The following AJAP1 variants were observed in gnomAD, a reference collection of about 807,000 sequenced individuals.
AJAP1 encodes the protein adherens junctions associated protein 1, also known as adherens junction-associated protein 1.
AJAP1 carries 5 observed loss-of-function variants against 35.0 expected under a neutral mutation model. The ratio of observed to expected loss-of-function variants is 0.14; its 90% CI spans 0.07 to 0.30. AJAP1 has a LOEUF of 0.30. AJAP1 is among the 10% of genes least tolerant of loss of function. AJAP1 has a pLI of 1.00. For missense variants in AJAP1, 586 were observed against 571.0 expected, an observed-to-expected ratio of 1.03 and a Z score of -0.27; for synonymous variants, 284 against 249.3, an observed-to-expected ratio of 1.14 and a Z score of -1.31.
intron 1 of AJAP1, among the ~76,000 whole-genome samples, chr1:4,708,524 C>T (rs1327624788): frequency 1.3e-5 from 2 of 152,246 alleles, no homozygotes; most frequent in African/African-American, 4.8e-5. Flanking sequence ...AAGCCCCAGG[C>T]TGAGCAGGAT....
rs74051977 is a variant in AJAP1, at chr1:4,771,047, C to T, written c.917+1107C>T. 6.5e-3 allele frequency among the ~76,000 whole-genome samples: 993 copies of T among 152,214 alleles called. 14 individuals carry two copies. Among genetic ancestry groups the T allele is most frequent in the African/African-American group, 0.023 (957 of 41,526 alleles). On this transcript the variant is annotated intron_variant, in intron 3 of 5. Transcript: ENST00000378191. Reference sequence around the variant, plus strand: ...GAAGGACAAATCCCACTGGCCATCTCGGTGAAGGGCTTCATCTCCCCAGAG... The same window carrying T: ...GAAGGACAAATCCCACTGGCCATCTTGGTGAAGGGCTTCATCTCCCCAGAG...
intron 5 of AJAP1, among the ~76,000 whole-genome samples, chr1:4,781,049 C>A (rs1642051701): frequency 6.6e-6 from 1 of 152,156 alleles, no homozygotes. Flanking sequence ...CCTCTACCTT[C>A]AAATGAGTAG....
chr1:4,689,328 C>G (rs1639682301), intron 1 of AJAP1, among the ~76,000 whole-genome samples: 1 of 152,210 alleles, frequency 6.6e-6, no homozygotes, highest in Non-Finnish European at 1.5e-5. Flanking sequence ...ACTAAACAAG[C>G]AATTTGTTGC....
chr1:4,655,832 G>A lies in AJAP1; in HGVS notation c.29+378G>A, dbSNP rs563250153. Reference sequence around the variant, plus strand: ...CGAGGCGCCGGCCGCTGGGCGCGGCGGGCGCGGGGGCCGGGGCTGCCGGGG... The same window carrying A: ...CGAGGCGCCGGCCGCTGGGCGCGGCAGGCGCGGGGGCCGGGGCTGCCGGGG... On this transcript the variant is annotated intron_variant, in intron 1 of 5. Transcript: ENST00000378191. The surrounding 1 kb of genome is among the most constrained non-coding windows in gnomAD (Gnocchi z 6.9). 6.7e-6 allele frequency among the ~76,000 whole-genome samples: 1 copy of A among 149,942 alleles called. No homozygotes were observed. Among genetic ancestry groups the A allele is most frequent in the East Asian group, 2.0e-4 (1 of 5,094 alleles).
chr1:4,740,814 G>C (rs575570972), intron 2 of AJAP1, among the ~76,000 whole-genome samples: 17 of 151,024 alleles, frequency 1.1e-4, no homozygotes, highest in Middle Eastern at 3.5e-3. Context: ...AAGCGGGGGG[G>C]GCTAAGATGG....
intron 1 of AJAP1, among the ~76,000 whole-genome samples, chr1:4,694,220 G>A (rs1239175987): frequency 2.0e-5 from 3 of 152,210 alleles, no homozygotes; most frequent in Non-Finnish European, 2.9e-5. Flanking sequence ...CTTTGCCGGG[G>A]GGGGATGGCC....
At chr1:4,685,117 CTG>C (rs965631673) in intron 1 of AJAP1, among the ~76,000 whole-genome samples, 1 of 152,204 alleles carries the variant, frequency 6.6e-6, no homozygotes, top group African/African-American at 2.4e-5. Context: ...CGTCCAGCAT[CTG>C]TGTGACAGCC....
intron 1 of AJAP1, among the ~76,000 whole-genome samples, chr1:4,657,653 G>A (rs937485830): frequency 6.6e-6 from 1 of 151,400 alleles, no homozygotes; most frequent in Non-Finnish European, 1.5e-5. Flanking sequence ...CTCCAGCTGG[G>A]GTGGCAGAAG....
intron 2 of AJAP1, among the ~76,000 whole-genome samples, chr1:4,769,234 T>C (rs1641771945): frequency 6.6e-6 from 1 of 152,154 alleles, no homozygotes; most frequent in African/African-American, 2.4e-5. Context: ...TCCTGGAACC[T>C]TGTGAAGCAG....
At chr1:4,659,084 G>T (rs1042703105) in intron 1 of AJAP1, among the ~76,000 whole-genome samples, 23 of 152,304 alleles carry the variant, frequency 1.5e-4, no homozygotes, top group African/African-American at 5.3e-4. Context: ...TACCTGGAGT[G>T]TGACCCTGGG....
chr1:4,721,969 C>T (rs758113325), intron 2 of AJAP1, among the ~76,000 whole-genome samples: 2 of 152,148 alleles, frequency 1.3e-5, no homozygotes, highest in African/African-American at 2.4e-5. Context: ...CCGGTGCTTA[C>T]GTGCATATAT....
At chr1:4,704,069 G>A (rs1361715960) in intron 1 of AJAP1, among the ~76,000 whole-genome samples, 1 of 151,988 alleles carries the variant, frequency 6.6e-6, no homozygotes, top group Non-Finnish European at 1.5e-5. Context: ...ATAGTGCCCT[G>A]TTCCCCATCC....
In AJAP1 at chr1:4,720,420, A is replaced by G. The variant is rs1640491353; in HGVS notation, c.829+7721A>G. On this transcript the variant is annotated intron_variant, in intron 2 of 5. Transcript: ENST00000378191. The surrounding 1 kb of genome is among the most constrained non-coding windows in gnomAD (Gnocchi z 4.4). Reference sequence around the variant, plus strand: ...ACAGAGAGGCTGAAAATCTCCCTCCAGAGGTGACTGATAGGTGGGCCATGT... The same window carrying G: ...ACAGAGAGGCTGAAAATCTCCCTCCGGAGGTGACTGATAGGTGGGCCATGT... 6.6e-6 allele frequency among the ~76,000 whole-genome samples: 1 copy of G among 152,230 alleles called. No homozygotes were observed. Among genetic ancestry groups the G allele is most frequent in the South Asian group, 2.1e-4 (1 of 4,830 alleles).
chr1:4,657,370 A>G (rs1391775484), intron 1 of AJAP1, among the ~76,000 whole-genome samples: 3 of 151,700 alleles, frequency 2.0e-5, no homozygotes, highest in Non-Finnish European at 4.4e-5. Context: ...GCTGTCACCT[A>G]TTTGGGATCC....
At chr1:4,698,267 C>T (rs12121882) in intron 1 of AJAP1, among the ~76,000 whole-genome samples, 30,492 of 152,108 alleles carry the variant, frequency 0.2, 3,310 homozygotes, top group South Asian at 0.31. Context: ...GTTGCCCCCA[C>T]GCCGCTGTCC....
chr1:4,768,275 A>C lies in AJAP1; in HGVS notation c.830-1578A>C, dbSNP rs573475934. 4.6e-5 allele frequency among the ~76,000 whole-genome samples: 7 copies of C among 152,342 alleles called. 1 individual carries two copies. The South Asian group carries it at 1.4e-3, about 32-fold the overall frequency. ...AGTTCCTGAATCAGTGGATAGAAGA[A>C]GGCTTGGGAGAGACTCGCCATGCTC... On this transcript the variant is annotated intron_variant, in intron 2 of 5. Transcript: ENST00000378191.
In AJAP1 at chr1:4,712,464, G is replaced by T. The variant is rs370401960; in HGVS notation, c.594G>T (p.Pro198=). The T allele has an allele frequency of 6.2e-7, 1 of 1,610,880 alleles. No individual in the cohort carries two copies. Among genetic ancestry groups the T allele is most frequent in the Admixed American group, 1.7e-5 (1 of 59,570 alleles). Residue 198 remains proline, a synonymous_variant, in exon 2 of 6, where the codon CCG becomes CCT. Transcript: ENST00000378191. ...DEEALESNTF[P]GVYGPTTVSI... is the part of the protein sequence containing the mutation. ...AGGCCCTGGAGTCCAACACATTTCC[G>T]GGCGTTTACGGCCCCACCACGGTCT...
Position 4,712,456 on chromosome 1 carries a change from A to G in AJAP1, c.586A>G (p.Thr196Ala). ...TGDEEALESN[T>A]FPGVYGPTTV... The stretch of plus-strand genomic sequence containing the variant: ...GGACGAGGAGGCCCTGGAGTCCAAC[A>G]CATTTCCGGGCGTTTACGGCCCCAC... Residue 196 changes from threonine to alanine, a missense_variant, in exon 2 of 6, where the codon ACA (threonine) becomes GCA (alanine). Coordinates refer to ENST00000378191, the MANE Select transcript of AJAP1 (RefSeq NM_018836.4). 6.2e-7 allele frequency: 1 copy of G among 1,610,934 alleles called. No homozygotes were observed. The highest frequency in any genetic ancestry group is 1.1e-5 in the South Asian group (1 of 90,308).
intron 1 of AJAP1, among the ~76,000 whole-genome samples, chr1:4,687,715 G>C (rs1486631833): frequency 1.3e-5 from 2 of 152,218 alleles, no homozygotes; most frequent in Non-Finnish European, 2.9e-5. Flanking sequence ...AAGAACGAGA[G>C]CTCCGTGCTA....
Sources: allele counts gnomAD v4.1 joint callset (sites outside exome capture counted in the v4.1 genomes callset), GRCh38; gene constraint gnomAD v4.1.1; non-coding constraint Gnocchi (gnomAD v3.1); transcripts MANE v1.5; gene names NCBI Gene and HGNC (gene_info 2026-07-23, HGNC 2026-07-21).